MYO5B: variants seen among roughly 807,000 people sequenced by gnomAD.
MYO5B encodes the protein myosin VB.
Under a neutral mutation model 229.3 loss-of-function variants are expected in MYO5B, and 143 were observed. That is an observed-to-expected ratio of 0.62 (90% CI 0.54 to 0.72). The LOEUF is 0.72. Among genes scored for constraint, MYO5B ranks in the 30% least tolerant of loss-of-function variants. MYO5B has a pLI of 0.00. For synonymous variants in MYO5B, 918 were observed against 885.2 expected (o/e 1.04, Z -0.66); for missense variants, 2,321 against 2,331.0 (o/e 1.00, Z 0.09).
At chr18:50,078,041 C>T (rs1031545965) in intron 1 of MYO5B, among the ~76,000 whole-genome samples, 5 of 152,234 alleles carry the variant, frequency 3.3e-5, no homozygotes, top group Non-Finnish European at 5.9e-5. Context: ...AAGATGACAA[C>T]ACAGAAGCTA....
intron 16 of MYO5B, among the ~76,000 whole-genome samples, chr18:49,930,113 T>A (rs916926499): frequency 6.6e-6 from 1 of 152,150 alleles, no homozygotes; most frequent in African/African-American, 2.4e-5. Context: ...TCACTTCATG[T>A]CCCCTTGGGC....
At chr18:50,040,862 G>A (rs1160571921) in intron 2 of MYO5B, among the ~76,000 whole-genome samples, 2 of 152,208 alleles carry the variant, frequency 1.3e-5, no homozygotes, top group Non-Finnish European at 2.9e-5. Context: ...TGAGACATAT[G>A]TGCATAACCA....
chr18:50,127,584 A>T (rs1468813633), intron 1 of MYO5B, among the ~76,000 whole-genome samples: 1 of 152,186 alleles, frequency 6.6e-6, no homozygotes, highest in Non-Finnish European at 1.5e-5. Context: ...CATAAAAGGT[A>T]GAGGAATCCA....
intron 21 of MYO5B, among the ~76,000 whole-genome samples, chr18:49,900,901 TA>T (rs1270189513): frequency 6.6e-6 from 1 of 152,088 alleles, no homozygotes; most frequent in Non-Finnish European, 1.5e-5. Flanking sequence ...TGTTTGGGGT[TA>T]AAAAACCCGC....
At chr18:49,856,749 TA>T in intron 30 of MYO5B, 63 bp downstream of exon 30, 6 of 1,389,494 alleles carry the variant, frequency 4.3e-6, no homozygotes, top group Non-Finnish European at 6.2e-6. Context: ...GAAAAACGGT[TA>T]AGCATAGACA....
Position 49,823,171 on chromosome 18 carries a change from T to G in MYO5B, c.*3300A>C, listed in dbSNP as rs367570644. ...AATCTTTTGTATCTAATGACCTTTA[T>G]AATAAAAAAAACCCTGTCCTGTGTT... On this transcript the variant is annotated 3_prime_UTR_variant, in exon 40 of 40. Coordinates refer to ENST00000285039, the MANE Select transcript of MYO5B (RefSeq NM_001080467.3). 7.1e-6 allele frequency: 1 copy of G among 140,366 alleles called. No individual in the cohort carries two copies. Among genetic ancestry groups the G allele is most frequent in the African/African-American group, 2.6e-5 (1 of 38,068 alleles). 8.7% of individuals were successfully genotyped at this position (140,366 alleles called of 1,614,324 possible). A position where few individuals can be genotyped will look rare whatever the true frequency, so the allele number is the denominator to read the frequency against.
intron 22 of MYO5B, among the ~76,000 whole-genome samples, chr18:49,885,119 G>A (rs1192628770): frequency 6.6e-6 from 1 of 152,156 alleles, no homozygotes; most frequent in Non-Finnish European, 1.5e-5. Context: ...ACCCAGGATT[G>A]CTACTCCTGG....
intron 4 of MYO5B, among the ~76,000 whole-genome samples, chr18:50,023,246 G>A (rs1236738097): frequency 1.6e-4 from 25 of 152,078 alleles, no homozygotes. Flanking sequence ...AGAGGAAAGA[G>A]CTCTAGAGAA....
intron 24 of MYO5B, among the ~76,000 whole-genome samples, chr18:49,878,569 A>G (rs544003973): frequency 7.2e-5 from 11 of 152,338 alleles, no homozygotes; most frequent in South Asian, 6.2e-4. Flanking sequence ...TCATCAGATT[A>G]GGAGACACAA....
chr18:50,068,044 T>TACAC (rs4042092), intron 1 of MYO5B, among the ~76,000 whole-genome samples: 2,618 of 147,966 alleles, frequency 0.018, 155 homozygotes, highest in Admixed American at 0.11. Flanking sequence ...TACACACATA[T>TACAC]ACACACACAC....
intron 2 of MYO5B, among the ~76,000 whole-genome samples, chr18:50,041,248 T>C (rs1568082218): frequency 6.6e-6 from 1 of 152,232 alleles, no homozygotes; most frequent in African/African-American, 2.4e-5. Flanking sequence ...GTAATTCTGA[T>C]ACAGGTGGCT....
At chr18:49,933,810 T>C (rs2025220078) in intron 16 of MYO5B, among the ~76,000 whole-genome samples, 1 of 152,204 alleles carries the variant, frequency 6.6e-6, no homozygotes, top group East Asian at 1.9e-4. Context: ...ATGTAACTAA[T>C]AACTGTAATC....
chr18:50,007,051 C>T lies in MYO5B; in HGVS notation c.456-5640G>A, dbSNP rs555307494. Among the ~76,000 whole-genome samples, 10 of 152,268 alleles carry T rather than the reference C, an allele frequency of 6.6e-5. No homozygotes were observed. The East Asian group carries it at 1.4e-3, about 21-fold the overall frequency. On this transcript the variant is annotated intron_variant, in intron 4 of 39. Coordinates refer to ENST00000285039, the MANE Select transcript of MYO5B (RefSeq NM_001080467.3). ...CTGTGACCAGTGAGGCCAAGTGTCC[C>T]GCTGCAGACTTGGGTGGCACCCGTG...
intron 15 of MYO5B, 121 bp downstream of exon 15, chr18:49,937,124 G>T: frequency 8.4e-7 from 1 of 1,196,852 alleles, no homozygotes; most frequent in Non-Finnish European, 1.2e-6. Flanking sequence ...CTGGATGGCT[G>T]AGGCTACTGA....
intron 22 of MYO5B, among the ~76,000 whole-genome samples, chr18:49,893,411 C>A: frequency 6.6e-6 from 1 of 152,226 alleles, no homozygotes; most frequent in East Asian, 1.9e-4. Flanking sequence ...CATTCATCTG[C>A]TCCCAAGGGT....
chr18:49,853,390 C>T (rs2024224209), intron 31 of MYO5B, 59 bp downstream of exon 31: 1 of 1,586,438 alleles, frequency 6.3e-7, no homozygotes, highest in Non-Finnish European at 8.6e-7. Flanking sequence ...AACCCCGATC[C>T]CATTTGCTTC....
intron 8 of MYO5B, among the ~76,000 whole-genome samples, chr18:49,981,888 G>T (rs914675133): frequency 1.3e-5 from 2 of 152,194 alleles, no homozygotes; most frequent in Non-Finnish European, 2.9e-5. Context: ...CCAGAGGCTG[G>T]TATTCAGGAC....
rs147778830 is a variant in MYO5B, at chr18:50,006,893, T to C, written c.456-5482A>G. 3.7e-3 allele frequency among the ~76,000 whole-genome samples: 557 copies of C among 152,288 alleles called. 3 individuals carry two copies. The highest frequency in any genetic ancestry group is 0.013 in the African/African-American group (540 of 41,556). On this transcript the variant is annotated intron_variant, in intron 4 of 39. Transcript: ENST00000285039. ...TGTTTGGGTTTCCTGAGGAGCATAA[T>C]TTGTCACCTGTGGTCTCCAAACTAG... is the stretch of plus-strand genomic sequence containing the variant.
chr18:49,955,301 T>C (rs1359053746), intron 12 of MYO5B, among the ~76,000 whole-genome samples: 1 of 152,206 alleles, frequency 6.6e-6, no homozygotes, highest in Admixed American at 6.5e-5. Flanking sequence ...TCATTGAAAA[T>C]GTAACAGAGT....
Sources: allele counts gnomAD v4.1 joint callset (sites outside exome capture counted in the v4.1 genomes callset), GRCh38; gene constraint gnomAD v4.1.1; transcripts MANE v1.5; gene names NCBI Gene and HGNC (gene_info 2026-07-23, HGNC 2026-07-21).